The following MAPK8 variants were observed in gnomAD, a reference collection of about 807,000 sequenced individuals.
MAPK8 encodes mitogen-activated protein kinase 8.
A neutral mutation model predicts 52.9 loss-of-function variants in MAPK8; 13 were observed. That is an observed-to-expected ratio of 0.25 (90% CI 0.16 to 0.39). The LOEUF is 0.39. MAPK8 is among the 10% of genes least tolerant of loss of function. MAPK8 has a pLI of 1.00. For synonymous variants in MAPK8, 191 were observed against 169.8 expected (o/e 1.12, Z -0.97); for missense variants, 300 against 519.2 (o/e 0.58, Z 4.10).
chr10:48,387,899 C>T (rs141931973), intron 1 of MAPK8, among the ~76,000 whole-genome samples: 78 of 152,142 alleles, frequency 5.1e-4, no homozygotes, highest in African/African-American at 1.8e-3. Flanking sequence ...ACTCTGGGCT[C>T]GAGTCTAAAG....
chr10:48,321,402 A>G (rs997107592), intron 1 of MAPK8, among the ~76,000 whole-genome samples: 2 of 152,168 alleles, frequency 1.3e-5, no homozygotes, highest in South Asian at 2.1e-4. Flanking sequence ...TTCTTTATAT[A>G]TTATAGATAC....
intron 5 of MAPK8, among the ~76,000 whole-genome samples, chr10:48,418,224 C>T (rs2043166885): frequency 6.6e-6 from 1 of 152,166 alleles, no homozygotes; most frequent in African/African-American, 2.4e-5. Context: ...CCTAGATCAC[C>T]TTTCCAGCCT....
chr10:48,412,076 C>T (rs1197474185), intron 5 of MAPK8, among the ~76,000 whole-genome samples: 2 of 152,154 alleles, frequency 1.3e-5, no homozygotes, highest in Non-Finnish European at 2.9e-5. Context: ...GAACCCCTGA[C>T]CTCAAGTGAT....
At chr10:48,427,738 C>A (rs534072371) in intron 10 of MAPK8, among the ~76,000 whole-genome samples, 266 of 152,270 alleles carry the variant, frequency 1.7e-3, no homozygotes, top group African/African-American at 6.1e-3. Context: ...GTGATCCACC[C>A]GCCTCGGCCT....
At chr10:48,385,608 A>T (rs1246593307) in intron 1 of MAPK8, among the ~76,000 whole-genome samples, 2 of 151,762 alleles carry the variant, frequency 1.3e-5, no homozygotes, top group Non-Finnish European at 2.9e-5. Context: ...GGTAGTAAAA[A>T]ATGAGTTTTT....
At chr10:48,403,358 G>A (rs1480847174) in intron 2 of MAPK8, among the ~76,000 whole-genome samples, 3 of 151,732 alleles carry the variant, frequency 2.0e-5, no homozygotes, top group East Asian at 1.9e-4. Flanking sequence ...CTTGGGAGGC[G>A]GAGGCAGGAG....
chr10:48,330,905 G>T (rs1844075718), intron 1 of MAPK8, among the ~76,000 whole-genome samples: 1 of 152,112 alleles, frequency 6.6e-6, no homozygotes, highest in South Asian at 2.1e-4. Flanking sequence ...AGGTGCATGA[G>T]CCATGCAATT....
chr10:48,356,567 C>T (rs1846964654), intron 1 of MAPK8, among the ~76,000 whole-genome samples: 1 of 152,042 alleles, frequency 6.6e-6, no homozygotes, highest in South Asian at 2.1e-4. Context: ...TGTGGCCTGG[C>T]ATGATGGCTC....
chr10:48,309,571 T>C (rs948879180), intron 1 of MAPK8, among the ~76,000 whole-genome samples: 2 of 152,164 alleles, frequency 1.3e-5, no homozygotes, highest in South Asian at 4.1e-4. Flanking sequence ...AACTATTTGC[T>C]CCATGCCTGA....
At chr10:48,317,963 T>C (rs1360443062) in intron 1 of MAPK8, among the ~76,000 whole-genome samples, 1 of 150,544 alleles carries the variant, frequency 6.6e-6, no homozygotes, top group Non-Finnish European at 1.5e-5. Context: ...CAGCATTATT[T>C]AGCTGATTAG....
At chr10:48,333,876 T>G (rs1844396824) in intron 1 of MAPK8, among the ~76,000 whole-genome samples, 1 of 152,214 alleles carries the variant, frequency 6.6e-6, no homozygotes, top group Non-Finnish European at 1.5e-5. Flanking sequence ...TGGTCGCCAA[T>G]TTGCTGCAAG....
chr10:48,368,865 G>T (rs944036560), intron 1 of MAPK8, among the ~76,000 whole-genome samples: 1 of 152,126 alleles, frequency 6.6e-6, no homozygotes, highest in Admixed American at 6.6e-5. Flanking sequence ...ATAGTGTCTT[G>T]TCTCTCATGT....
chr10:48,404,131 A>G (rs1446199455), intron 2 of MAPK8, among the ~76,000 whole-genome samples: 1 of 150,012 alleles, frequency 6.7e-6, no homozygotes, highest in Non-Finnish European at 1.5e-5. Context: ...TAATGTGTTT[A>G]CATAGAATTA....
At chr10:48,424,447 A>C (rs148042638) in intron 7 of MAPK8, 212 of 1,050,854 alleles carry the variant, frequency 2.0e-4, no homozygotes, top group East Asian at 1.6e-3. Flanking sequence ...GTGTGATTTT[A>C]TTTCTTTCTT....
intron 10 of MAPK8, among the ~76,000 whole-genome samples, chr10:48,428,965 G>T (rs949909377): frequency 2.1e-4 from 32 of 150,232 alleles, no homozygotes; most frequent in Admixed American, 1.9e-3. Flanking sequence ...GGGATCACAG[G>T]TGTGATCCAC....
At chr10:48,336,352 A>G (rs1844687075) in intron 1 of MAPK8, among the ~76,000 whole-genome samples, 1 of 152,126 alleles carries the variant, frequency 6.6e-6, no homozygotes, top group African/African-American at 2.4e-5. Flanking sequence ...ACAGCTACGT[A>G]TTTATTAAGG....
intron 1 of MAPK8, among the ~76,000 whole-genome samples, chr10:48,316,779 G>T (rs886111795): frequency 4.6e-5 from 7 of 152,154 alleles, no homozygotes; most frequent in Non-Finnish European, 1.0e-4. Flanking sequence ...ATTGCTTAAT[G>T]GGGATTAAAT....
chr10:48,392,931 A>G (rs1226901097), intron 1 of MAPK8, among the ~76,000 whole-genome samples: 4 of 152,072 alleles, frequency 2.6e-5, no homozygotes, highest in African/African-American at 9.7e-5. Flanking sequence ...CTCTACTCAA[A>G]TGGCTTATTT....
At chr10:48,356,442 A>C (rs1176037236) in intron 1 of MAPK8, among the ~76,000 whole-genome samples, 1 of 152,234 alleles carries the variant, frequency 6.6e-6, no homozygotes, top group Admixed American at 6.5e-5. Context: ...TCACAGATTA[A>C]GTAGAAAACA....
Sources: gnomAD v4.1 joint callset for allele counts (sites outside exome capture counted in the v4.1 genomes callset) on GRCh38, gnomAD v4.1.1 for gene constraint, MANE v1.5 for transcripts, NCBI Gene and HGNC (gene_info 2026-07-23, HGNC 2026-07-21) for gene names.